Variants in VWA8 observed in about 807,000 individuals in gnomAD.
VWA8 encodes von Willebrand factor A domain containing 8.
In VWA8, 221 loss-of-function variants were observed where a neutral mutation model predicts 241.5. The ratio of observed to expected loss-of-function variants is 0.91; its 90% CI spans 0.82 to 1.02. The LOEUF is 1.02. Ranked by LOEUF, VWA8 falls within the 50% of genes least tolerant of loss-of-function variation. VWA8 has a pLI of 0.00. For synonymous variants in VWA8, 852 were observed against 827.1 expected, an observed-to-expected ratio of 1.03 and a Z score of -0.52; for missense variants, 2,322 against 2,328.7, an observed-to-expected ratio of 1.00 and a Z score of 0.06.
intron 12 of VWA8, among the ~76,000 whole-genome samples, chr13:41,854,717 T>C (rs1376580464): frequency 6.6e-6 from 1 of 152,148 alleles, no homozygotes; most frequent in Non-Finnish European, 1.5e-5. Context: ...AATACAGTAG[T>C]TATTACAGTA....
At position 41,671,037 on chromosome 13, in the gene VWA8, T is replaced by G; in HGVS notation, c.4520A>C (p.His1507Pro). 2 of 1,614,048 alleles carry G rather than the reference T, an allele frequency of 1.2e-6. No homozygotes were observed. Among genetic ancestry groups the G allele is most frequent in the Non-Finnish European group, 1.7e-6 (2 of 1,179,916 alleles). The part of the protein sequence containing the change: ...SGVVTVDMGG[H>P]IRLWETGLER... ...AAGTCCAGTTTCCCAAAGCCTGATG[T>G]GACCTCCCATATCAACAGTAACAAC... Residue 1507 changes from histidine to proline, a missense_variant, in exon 37 of 45, where the codon CAC (histidine) becomes CCC (proline). Coordinates refer to ENST00000379310, the MANE Select transcript of VWA8 (RefSeq NM_015058.2).
chr13:41,878,988 T>C (rs1215181754), intron 9 of VWA8, among the ~76,000 whole-genome samples: 1 of 152,158 alleles, frequency 6.6e-6, no homozygotes, highest in East Asian at 1.9e-4. Context: ...CATTGCTTCA[T>C]TTTATCAGAA....
intron 44 of VWA8, among the ~76,000 whole-genome samples, 190 bp downstream of exon 44, chr13:41,570,278 T>A (rs1293717390): frequency 6.6e-6 from 1 of 152,174 alleles, no homozygotes; most frequent in Non-Finnish European, 1.5e-5. Flanking sequence ...ATTATTATTG[T>A]TCATCTAAAC....
At chr13:41,673,253 T>A (rs971723327) in intron 36 of VWA8, among the ~76,000 whole-genome samples, 1 of 152,182 alleles carries the variant, frequency 6.6e-6, no homozygotes, top group Non-Finnish European at 1.5e-5. Context: ...AGAGCAAAAG[T>A]GATGTATTCA....
intron 9 of VWA8, among the ~76,000 whole-genome samples, chr13:41,881,704 A>T (rs1874206397): frequency 6.9e-6 from 1 of 145,288 alleles, no homozygotes; most frequent in Admixed American, 6.8e-5. Context: ...CACCTCCCGG[A>T]CGGGGCGGCT....
At position 41,869,396 on chromosome 13, in the gene VWA8, C is replaced by A. The variant is rs548285052; in HGVS notation, c.1081-919G>T. On this transcript the variant is annotated intron_variant, in intron 9 of 44. Coordinates refer to ENST00000379310, the MANE Select transcript of VWA8 (RefSeq NM_015058.2). ...TGCCTGTAATCCCAGCACTTTGGGA[C>A]GCCAAGGCAAGCGGATCACCTGAGG... 1.8e-4 allele frequency among the ~76,000 whole-genome samples: 28 copies of A among 152,022 alleles called. No homozygotes were observed. The East Asian group carries it at 4.8e-3, about 26-fold the overall frequency.
intron 19 of VWA8, among the ~76,000 whole-genome samples, chr13:41,781,657 T>C (rs1868891345): frequency 6.6e-6 from 1 of 152,230 alleles, no homozygotes; most frequent in Non-Finnish European, 1.5e-5. Context: ...GAGGCTATTA[T>C]TTCTCTTTCC....
chr13:41,720,056 T>C (rs957943207), intron 25 of VWA8, among the ~76,000 whole-genome samples: 4 of 152,128 alleles, frequency 2.6e-5, no homozygotes, highest in African/African-American at 4.8e-5. Flanking sequence ...GCCTTTAATA[T>C]GAGTACCAGA....
intron 1 of VWA8, among the ~76,000 whole-genome samples, chr13:41,957,989 A>G (rs1287115092): frequency 6.6e-6 from 1 of 152,220 alleles, no homozygotes; most frequent in Non-Finnish European, 1.5e-5. Flanking sequence ...AAACACTACA[A>G]TAATCTTTAT....
chr13:41,742,683 T>C (rs1366365870), intron 21 of VWA8, among the ~76,000 whole-genome samples: 1 of 152,222 alleles, frequency 6.6e-6, no homozygotes, highest in Non-Finnish European at 1.5e-5. Context: ...ACTTTATTAT[T>C]TGTGTGATTT....
intron 37 of VWA8, among the ~76,000 whole-genome samples, chr13:41,657,485 T>C (rs1194695928): frequency 6.7e-6 from 1 of 149,868 alleles, no homozygotes; most frequent in Non-Finnish European, 1.5e-5. Flanking sequence ...AGTTATTCTT[T>C]TTTTTTTTTT....
intron 26 of VWA8, among the ~76,000 whole-genome samples, chr13:41,714,950 C>T (rs1228335509): frequency 1.3e-5 from 2 of 151,878 alleles, no homozygotes; most frequent in Non-Finnish European, 2.9e-5. Context: ...TAAATAACTA[C>T]TCTGATCTAG....
chr13:41,886,692 G>T (rs147496682), intron 7 of VWA8, 89 bp downstream of exon 7: 1 of 1,087,518 alleles, frequency 9.2e-7, no homozygotes, highest in African/African-American at 1.6e-5. Context: ...TCTAGTTGTT[G>T]AATGACTGAA....
chr13:41,656,500 C>T (rs987458992), intron 37 of VWA8, among the ~76,000 whole-genome samples: 2 of 152,120 alleles, frequency 1.3e-5, no homozygotes, highest in Admixed American at 6.5e-5. Flanking sequence ...GAAGACTTGA[C>T]GAATTTCATT....
At chr13:41,795,800 G>A (rs1869670964) in intron 17 of VWA8, among the ~76,000 whole-genome samples, 2 of 152,068 alleles carry the variant, frequency 1.3e-5, no homozygotes, top group African/African-American at 2.4e-5. Flanking sequence ...CTTGAGGTGG[G>A]CGGGTAGGGG....
intron 2 of VWA8, among the ~76,000 whole-genome samples, chr13:41,929,614 T>C (rs530801738): frequency 6.6e-6 from 1 of 152,220 alleles, no homozygotes; most frequent in South Asian, 2.1e-4. Flanking sequence ...TTCAAACATA[T>C]ACAGTCAACC....
At chr13:41,719,962 A>AG (rs1462654823) in intron 25 of VWA8, among the ~76,000 whole-genome samples, 1 of 152,052 alleles carries the variant, frequency 6.6e-6, no homozygotes, top group Non-Finnish European at 1.5e-5. Flanking sequence ...CCAGAATTTG[A>AG]GGGGAAAGAG....
At chr13:41,726,605 T>C (rs1358553202) in intron 24 of VWA8, among the ~76,000 whole-genome samples, 2 of 152,140 alleles carry the variant, frequency 1.3e-5, no homozygotes, top group Non-Finnish European at 2.9e-5. Context: ...AACAACAAAG[T>C]ATAGTGTAAT....
chr13:41,918,015 T>C (rs1231149367), intron 2 of VWA8, among the ~76,000 whole-genome samples: 2 of 152,230 alleles, frequency 1.3e-5, no homozygotes, highest in Non-Finnish European at 2.9e-5. Flanking sequence ...TAGTTAGATA[T>C]AATGGACATG....
Sources: gnomAD v4.1 joint callset for allele counts (sites outside exome capture counted in the v4.1 genomes callset) on GRCh38, gnomAD v4.1.1 for gene constraint, MANE v1.5 for transcripts, NCBI Gene and HGNC (gene_info 2026-07-23, HGNC 2026-07-21) for gene names.